The following FAR2 variants were observed in gnomAD, a reference collection of about 807,000 sequenced individuals.
The protein encoded by FAR2 is epididymis secretory protein Li 81.
Under a neutral mutation model 56.0 loss-of-function variants are expected in FAR2, and 19 were observed. The observed-to-expected ratio is 0.34, with a 90% CI of 0.24 to 0.50. FAR2 has a LOEUF of 0.50. Among genes scored for constraint, FAR2 ranks in the 20% least tolerant of loss-of-function variants. The pLI is 0.98. For missense variants in FAR2, 508 were observed against 642.2 expected, an observed-to-expected ratio of 0.79 and a Z score of 2.26; for synonymous variants, 219 against 218.8, an observed-to-expected ratio of 1.00 and a Z score of -0.01.
intron 10 of FAR2, among the ~76,000 whole-genome samples, chr12:29,326,879 C>T (rs1166407486): frequency 1.3e-5 from 2 of 152,076 alleles, no homozygotes; most frequent in South Asian, 2.1e-4. Context: ...TCCTATTCAA[C>T]ATAGTGTTGG....
At chr12:29,237,249 C>A (rs1269140764) in intron 1 of FAR2, among the ~76,000 whole-genome samples, 2 of 152,142 alleles carry the variant, frequency 1.3e-5, no homozygotes, top group African/African-American at 2.4e-5. Context: ...ACCTAAGGCA[C>A]TTTCCAGGGT....
intron 4 of FAR2, among the ~76,000 whole-genome samples, chr12:29,306,762 A>C (rs1949259238): frequency 6.6e-6 from 1 of 152,214 alleles, no homozygotes; most frequent in African/African-American, 2.4e-5. Flanking sequence ...GGCTGATGCT[A>C]TGGTAACTTG....
intron 1 of FAR2, among the ~76,000 whole-genome samples, chr12:29,201,813 G>A (rs1166166232): frequency 6.6e-6 from 1 of 152,146 alleles, no homozygotes; most frequent in Middle Eastern, 3.2e-3. Flanking sequence ...CAATTTTCCA[G>A]TCACACTAGC....
intron 1 of FAR2, among the ~76,000 whole-genome samples, chr12:29,205,368 T>C (rs1161061068): frequency 2.6e-5 from 4 of 152,232 alleles, no homozygotes; most frequent in African/African-American, 9.6e-5. Flanking sequence ...TCCAGTGTTC[T>C]TGATGTGTTA....
In FAR2 at chr12:29,184,422, C is replaced by CTTTT. The variant is rs71042961; in HGVS notation, c.-39+35042_-39+35045dup. On this transcript the variant is annotated intron_variant, in intron 1 of 11. Coordinates refer to ENST00000536681, the MANE Select transcript of FAR2 (RefSeq NM_001271783.2). ...ACCATTGTAAAGGCCAATCTAGCAT[C>CTTTT]TTTTTTTTTTTTTTTTTTTTTTTTT... Among the ~76,000 whole-genome samples the CTTTT allele has an allele frequency of 5.0e-4, 30 of 59,724 alleles. 2 individuals are homozygous for CTTTT. The highest frequency in any genetic ancestry group is 7.9e-4 in the South Asian group (1 of 1,262). The allele number at this position is 59,724 out of a possible 152,430, so 39.2% of individuals were successfully genotyped here. A position where few individuals can be genotyped will look rare whatever the true frequency, so the allele number is the denominator to read the frequency against.
At chr12:29,300,113 T>G (rs1403755411) in intron 4 of FAR2, among the ~76,000 whole-genome samples, 2 of 152,220 alleles carry the variant, frequency 1.3e-5, no homozygotes, top group Admixed American at 1.3e-4. Context: ...CGATTATTGT[T>G]CATACTGTTT....
At chr12:29,161,428 T>C (rs902493008) in intron 1 of FAR2, among the ~76,000 whole-genome samples, 1 of 152,224 alleles carries the variant, frequency 6.6e-6, no homozygotes, top group African/African-American at 2.4e-5. Flanking sequence ...ATCTGGCTTA[T>C]TTACTCAATA....
chr12:29,274,374 C>T (rs1438188159), intron 2 of FAR2, among the ~76,000 whole-genome samples: 15 of 151,980 alleles, frequency 9.9e-5, no homozygotes, highest in Non-Finnish European at 2.9e-5. Flanking sequence ...GACATGAACT[C>T]ATCATTTTTT....
intron 1 of FAR2, among the ~76,000 whole-genome samples, chr12:29,249,399 A>G (rs1282587959): frequency 6.6e-6 from 1 of 152,200 alleles, no homozygotes; most frequent in Non-Finnish European, 1.5e-5. Flanking sequence ...GCATGCATTT[A>G]CACTACATTT....
In FAR2 at chr12:29,253,207, G is replaced by GATATATCAATATCTATCTAGTTAGA. The variant is rs1565489252; in HGVS notation, c.-38-17205_-38-17204insATATATCAATATCTATCTAGTTAGA. ...TCTCTCTATCTATCTATCTAGATAGGTATCTATATATCGATATCTATCTAG... is the reference window on the plus strand; with the variant it reads ...TCTCTCTATCTATCTATCTAGATAGGATATATCAATATCTATCTAGTTAGATATCTATATATCGATATCTATCTAG... On this transcript the variant is annotated intron_variant, in intron 1 of 11. Transcript: ENST00000536681. Among the ~76,000 whole-genome samples, 8 of 84,040 alleles carry GATATATCAATATCTATCTAGTTAGA rather than the reference G, an allele frequency of 9.5e-5. No homozygotes were observed. The East Asian group carries it at 2.3e-3, about 24-fold the overall frequency. 55.1% of individuals were successfully genotyped at this position (84,040 alleles called of 152,430 possible).
intron 3 of FAR2, among the ~76,000 whole-genome samples, chr12:29,295,352 G>A (rs1442201536): frequency 6.6e-6 from 1 of 152,150 alleles, no homozygotes; most frequent in Admixed American, 6.5e-5. Flanking sequence ...GGGATTACAG[G>A]CGTGAGCCAC....
chr12:29,305,428 G>A (rs558025142), intron 4 of FAR2, among the ~76,000 whole-genome samples: 7 of 152,182 alleles, frequency 4.6e-5, no homozygotes, highest in Admixed American at 2.0e-4. Flanking sequence ...TTGAGTCACC[G>A]CACTTGGCCA....
At chr12:29,306,177 C>T (rs1468816573) in intron 4 of FAR2, among the ~76,000 whole-genome samples, 1 of 152,020 alleles carries the variant, frequency 6.6e-6, no homozygotes, top group Non-Finnish European at 1.5e-5. Context: ...ATATTCTTTC[C>T]CAGCCCCCAG....
chr12:29,259,560 C>A (rs1247996024), intron 1 of FAR2, among the ~76,000 whole-genome samples: 4 of 152,250 alleles, frequency 2.6e-5, no homozygotes, highest in South Asian at 4.1e-4. Flanking sequence ...AAATGTATAA[C>A]CTAACACACC....
intron 1 of FAR2, chr12:29,172,103 G>A (rs928829924): frequency 2.0e-5 from 3 of 150,694 alleles, no homozygotes; most frequent in African/African-American, 7.4e-5. Flanking sequence ...TGGGAAGTGA[G>A]GAGCGCCTCT....
intron 2 of FAR2, among the ~76,000 whole-genome samples, chr12:29,290,048 G>A (rs143917519): frequency 6.5e-4 from 99 of 152,304 alleles, no homozygotes; most frequent in Middle Eastern, 3.4e-3. Context: ...AAAAAATGTT[G>A]TCAATGATGT....
At chr12:29,151,521 G>A (rs950619465) in intron 1 of FAR2, 15 of 152,304 alleles carry the variant, frequency 9.8e-5, no homozygotes, top group African/African-American at 2.6e-4. Flanking sequence ...AGGGCCCTGC[G>A]TTTGGTAATG....
At chr12:29,269,829 A>T (rs12817985) in intron 1 of FAR2, among the ~76,000 whole-genome samples, 19,971 of 152,228 alleles carry the variant, frequency 0.13, 1,411 homozygotes, top group Middle Eastern at 0.27. Context: ...TCATAATTTT[A>T]AAAAACCTGA....
chr12:29,156,365 C>T (rs974160934), intron 1 of FAR2: 4 of 152,056 alleles, frequency 2.6e-5, no homozygotes, highest in African/African-American at 7.2e-5. Flanking sequence ...GCATTGGAGT[C>T]GTGACAATGC....
Sources: gnomAD v4.1 joint callset for allele counts (sites outside exome capture counted in the v4.1 genomes callset) on GRCh38, gnomAD v4.1.1 for gene constraint, MANE v1.5 for transcripts, NCBI Gene and HGNC (gene_info 2026-07-23, HGNC 2026-07-21) for gene names.